NBR1: variants seen among roughly 807,000 people sequenced by gnomAD.
NBR1 encodes next to BRCA1 gene 1 protein.
A neutral mutation model predicts 115.5 loss-of-function variants in NBR1; 59 were observed. The observed-to-expected ratio is 0.51, with a 90% confidence interval of 0.41 to 0.63. NBR1 has a LOEUF of 0.63. NBR1 is among the 30% of genes least tolerant of loss of function. The pLI, the probability that NBR1 is intolerant of heterozygous loss-of-function variation, is 0.00. For missense variants in NBR1, 1,043 were observed against 1,150.5 expected, an observed-to-expected ratio of 0.91 and a Z score of 1.35; for synonymous variants, 373 against 414.7, an observed-to-expected ratio of 0.90 and a Z score of 1.22.
At chr17:43,207,560 C>T (rs2057340804) in intron 20 of NBR1, among the ~76,000 whole-genome samples, 1 of 152,162 alleles carries the variant, frequency 6.6e-6, no homozygotes, top group Admixed American at 6.6e-5. Flanking sequence ...TGGGGTTTCA[C>T]TGTGTTGCCT....
At position 43,189,725 on chromosome 17, in the gene NBR1, G is replaced by C. The variant is rs776138338; in HGVS notation, c.618G>C (p.Leu206Phe). The C allele has an allele frequency of 2.5e-6, 4 of 1,613,948 alleles. No homozygotes were observed. Among genetic ancestry groups the C allele is most frequent in the Non-Finnish European group, 3.4e-6 (4 of 1,179,888 alleles). Residue 206 changes from leucine to phenylalanine, a missense_variant, in exon 8 of 21, where the codon TTG (leucine) becomes TTC (phenylalanine). Coordinates refer to ENST00000590996, the MANE Select transcript of NBR1 (RefSeq NM_005899.5). ...CTACTTCAGAAGAAACATTGTTTTT[G>C]CCAGAAAACCAGTTCAGCTGGCATA... Reference protein sequence around the residue: ...SMPTSEETLFLPENQFSWHIA... With the variant: ...SMPTSEETLFFPENQFSWHIA...
chr17:43,178,327 T>C (rs903437856), intron 3 of NBR1, among the ~76,000 whole-genome samples: 3 of 150,984 alleles, frequency 2.0e-5, no homozygotes, highest in Non-Finnish European at 2.9e-5. Context: ...GGATTATAGG[T>C]GTGAGACACC....
intron 1 of NBR1, among the ~76,000 whole-genome samples, chr17:43,173,031 T>A (rs910001279): frequency 6.6e-6 from 1 of 152,138 alleles, no homozygotes; most frequent in Non-Finnish European, 1.5e-5. Flanking sequence ...TTTCACCGTG[T>A]TAGCCAGGAT....
intron 6 of NBR1, among the ~76,000 whole-genome samples, chr17:43,188,694 C>A (rs2154582152): frequency 6.6e-6 from 1 of 152,300 alleles, no homozygotes; most frequent in East Asian, 1.9e-4. Flanking sequence ...CCAGTTTTCC[C>A]AGCACCGTTT....
chr17:43,188,685 C>G (rs764995327), intron 6 of NBR1, among the ~76,000 whole-genome samples: 1 of 152,156 alleles, frequency 6.6e-6, no homozygotes, highest in East Asian at 1.9e-4. Context: ...TATGGCTAGC[C>G]AGTTTTCCCA....
At position 43,189,599 on chromosome 17, in the gene NBR1, A is replaced by C; in HGVS notation, c.492A>C (p.Gln164His). Residue 164 changes from glutamine (Q) to histidine (H), a missense_variant, in exon 8 of 21, where the codon CAA (glutamine) becomes CAC (histidine). Transcript: ENST00000590996. ...FTSYLETFRE[Q>H]VVNETVEKLE... ...GCTCCATATTCTAGTTCAGAGAACA[A>C]GTGGTTAACGAAACGGTTGAGAAGC... The C allele has an allele frequency of 6.2e-7, 1 of 1,613,704 alleles. No individual in the cohort carries two copies. Among genetic ancestry groups the C allele is most frequent in the Non-Finnish European group, 8.5e-7 (1 of 1,179,640 alleles).
chr17:43,191,338 C>A, intron 9 of NBR1, 34 bp from the exon 10 acceptor site: 1 of 1,503,092 alleles, frequency 6.7e-7, no homozygotes, highest in Non-Finnish European at 9.2e-7. Flanking sequence ...TTATTTGTGA[C>A]TTTCTTTTAA....
intron 18 of NBR1, among the ~76,000 whole-genome samples, chr17:43,202,406 C>T (rs1000697589): frequency 7.9e-5 from 12 of 151,892 alleles, no homozygotes; most frequent in Admixed American, 3.9e-4. Flanking sequence ...CAAAATATAT[C>T]AGTGTGTTAG....
intron 5 of NBR1, among the ~76,000 whole-genome samples, chr17:43,183,775 T>TC (rs1186349689): frequency 6.6e-6 from 1 of 151,920 alleles, no homozygotes; most frequent in African/African-American, 2.4e-5. Context: ...TTCTCATACC[T>TC]CAGCCACACT....
chr17:43,180,827 AT>A lies in NBR1; in HGVS notation c.207+13del. On this transcript the variant is annotated intron_variant, in intron 5 of 20. Coordinates refer to ENST00000590996, the MANE Select transcript of NBR1 (RefSeq NM_005899.5). ...TGAAGAAGCGCTTAAGGTAATGATTATTTAATCTCATTTTTAAATAATTTAA... is the reference window on the plus strand; with the variant it reads ...TGAAGAAGCGCTTAAGGTAATGATTATTAATCTCATTTTTAAATAATTTAA... 1 of 1,423,530 alleles carries A rather than the reference AT, an allele frequency of 7.0e-7. No individual in the cohort carries two copies. 88.2% of individuals were successfully genotyped at this position (1,423,530 alleles called of 1,614,324 possible).
chr17:43,194,529 G>A, intron 13 of NBR1, 30 bp downstream of exon 13: 1 of 1,612,652 alleles, frequency 6.2e-7, no homozygotes, highest in Non-Finnish European at 8.5e-7. Flanking sequence ...GAAGGGCAAG[G>A]GACAGAGGGA....
Position 43,205,424 on chromosome 17 carries a change from G to C in NBR1, c.2727+1638G>C, listed in dbSNP as rs1169792028. ...ACTTCAGCCTGGTGTGCCCAAGTAA[G>C]GCTTTCTGGTAGATGATGCCTGAAC... On this transcript the variant is annotated intron_variant, in intron 20 of 20. Coordinates refer to ENST00000590996, the MANE Select transcript of NBR1 (RefSeq NM_005899.5). 2.6e-5 allele frequency among the ~76,000 whole-genome samples: 4 copies of C among 152,184 alleles called. No individual in the cohort carries two copies. The East Asian group carries it at 7.7e-4, about 29-fold the overall frequency.
intron 20 of NBR1, among the ~76,000 whole-genome samples, chr17:43,206,638 G>C (rs1342440802): frequency 1.4e-5 from 2 of 147,470 alleles, no homozygotes; most frequent in African/African-American, 5.0e-5. Context: ...CTGGGTGACA[G>C]AGCGAGACTC....
At chr17:43,189,959 T>C in intron 8 of NBR1, 157 bp downstream of exon 8, 1 of 655,600 alleles carries the variant, frequency 1.5e-6, no homozygotes, top group Non-Finnish European at 2.7e-6. Context: ...TTCACCCACA[T>C]GCTTTGTATG....
chr17:43,179,801 T>A (rs1353647052), intron 4 of NBR1, among the ~76,000 whole-genome samples: 1 of 152,166 alleles, frequency 6.6e-6, no homozygotes, highest in Non-Finnish European at 1.5e-5. Context: ...TTGGAGTGCA[T>A]TTTCCCATAG....
At chr17:43,185,729 G>T (rs1239525224) in intron 5 of NBR1, among the ~76,000 whole-genome samples, 2 of 152,072 alleles carry the variant, frequency 1.3e-5, no homozygotes, top group African/African-American at 4.8e-5. Flanking sequence ...GGGCACGGTG[G>T]CTCATGCCTG....
chr17:43,205,662 C>A (rs1431312297), intron 20 of NBR1, among the ~76,000 whole-genome samples: 1 of 151,800 alleles, frequency 6.6e-6, no homozygotes, highest in African/African-American at 2.4e-5. Flanking sequence ...CGATTATTTG[C>A]GTCCAGGAGT....
intron 10 of NBR1, among the ~76,000 whole-genome samples, chr17:43,191,942 G>C (rs377604324): frequency 6.6e-6 from 1 of 150,664 alleles, no homozygotes; most frequent in Non-Finnish European, 1.5e-5. Context: ...GGATGGTCTC[G>C]ATCTCTTGAC....
chr17:43,175,479 C>A (rs1428867691), intron 1 of NBR1, among the ~76,000 whole-genome samples: 1 of 152,224 alleles, frequency 6.6e-6, no homozygotes, highest in African/African-American at 2.4e-5. Flanking sequence ...TAAATACTTT[C>A]AGCATACTTC....
Sources: gnomAD v4.1 joint callset for allele counts (sites outside exome capture counted in the v4.1 genomes callset) on GRCh38, gnomAD v4.1.1 for gene constraint, MANE v1.5 for transcripts, NCBI Gene and HGNC (gene_info 2026-07-23, HGNC 2026-07-21) for gene names.